The following FARP1 variants were observed in gnomAD, a reference collection of about 807,000 sequenced individuals.
FARP1 encodes the protein FERM, ARH/RhoGEF and pleckstrin domain protein 1.
In FARP1, 52 loss-of-function variants were observed where a neutral mutation model predicts 128.8. The observed-to-expected ratio is 0.40, with a 90% CI of 0.32 to 0.51. The LOEUF (loss-of-function observed/expected upper bound fraction) is 0.51. Ranked by LOEUF, FARP1 falls within the 20% of genes least tolerant of loss-of-function variation. FARP1 has a pLI of 0.45. For missense variants in FARP1, 1,333 were observed against 1,367.9 expected (o/e 0.97, Z 0.40); for synonymous variants, 580 against 551.8 (o/e 1.05, Z -0.72).
At chr13:98,189,812 A>G (rs1221452026) in intron 1 of FARP1, among the ~76,000 whole-genome samples, 2 of 152,344 alleles carry the variant, frequency 1.3e-5, no homozygotes, top group African/African-American at 2.4e-5. Context: ...TATTATCACA[A>G]TTTCAGGAGC....
chr13:98,289,991 C>T (rs1270267895), intron 2 of FARP1, among the ~76,000 whole-genome samples: 1 of 152,000 alleles, frequency 6.6e-6, no homozygotes, highest in Non-Finnish European at 1.5e-5. Flanking sequence ...CTTCTCCCCA[C>T]AACACCCCCA....
At chr13:98,300,461 A>T (rs533760741) in intron 2 of FARP1, among the ~76,000 whole-genome samples, 1 of 152,334 alleles carries the variant, frequency 6.6e-6, no homozygotes, top group East Asian at 1.9e-4. Flanking sequence ...GGTACCCAGG[A>T]TGTCCGCGTA....
Position 98,262,182 on chromosome 13 carries a change from ATT to A in FARP1, c.171+48786_171+48787del, listed in dbSNP as rs34133279. On this transcript the variant is annotated intron_variant, in intron 2 of 26. Transcript: ENST00000319562. ...AGGTGTGTGCTACCGCGCCCTGCTA[ATT>A]TTTTTTTTTTTTTTTTAAAGAAACA... Among the ~76,000 whole-genome samples the A allele has an allele frequency of 4.2e-3, 586 of 140,718 alleles. 4 individuals are homozygous for A. The highest frequency in any genetic ancestry group is 9.1e-3 in the African/African-American group (347 of 38,050). The allele number at this position is 140,718 out of a possible 152,430, so 92.3% of individuals were successfully genotyped here. A position where few individuals can be genotyped will look rare whatever the true frequency, so the allele number is the denominator to read the frequency against.
At chr13:98,421,065 G>A (rs1419104472) in intron 16 of FARP1, among the ~76,000 whole-genome samples, 1 of 152,180 alleles carries the variant, frequency 6.6e-6, no homozygotes, top group African/African-American at 2.4e-5. Flanking sequence ...GACTTTAGAG[G>A]CCTCCAGCCT....
chr13:98,418,246 A>T (rs568933708), intron 16 of FARP1, among the ~76,000 whole-genome samples: 134 of 149,526 alleles, frequency 9.0e-4, no homozygotes, highest in African/African-American at 3.3e-3. Context: ...GTAAAATTAC[A>T]TGTTTATTTG....
intron 2 of FARP1, among the ~76,000 whole-genome samples, chr13:98,310,027 T>C (rs181969919): frequency 0.019 from 2,847 of 151,686 alleles, 39 homozygotes; most frequent in Middle Eastern, 0.034. Flanking sequence ...GGGACCATCC[T>C]CTCTCTCTCT....
At chr13:98,436,799 C>T (rs756817402) in intron 19 of FARP1, among the ~76,000 whole-genome samples, 9 of 152,220 alleles carry the variant, frequency 5.9e-5, no homozygotes, top group Non-Finnish European at 8.8e-5. Flanking sequence ...TTTACCCATC[C>T]ACACGGAACC....
At chr13:98,274,131 C>A (rs1033105746) in intron 2 of FARP1, among the ~76,000 whole-genome samples, 1 of 152,160 alleles carries the variant, frequency 6.6e-6, no homozygotes, top group African/African-American at 2.4e-5. Flanking sequence ...CTTTTCTCGT[C>A]ATACTTTGTC....
intron 21 of FARP1, among the ~76,000 whole-genome samples, chr13:98,439,666 A>G (rs1392482029): frequency 6.6e-6 from 1 of 152,172 alleles, no homozygotes; most frequent in Non-Finnish European, 1.5e-5. Flanking sequence ...GCAGGTGTAG[A>G]GGGCGCCTGG....
At chr13:98,153,897 A>G (rs1361632088) in intron 1 of FARP1, among the ~76,000 whole-genome samples, 1 of 152,022 alleles carries the variant, frequency 6.6e-6, no homozygotes, top group African/African-American at 2.4e-5. Context: ...TTGTGTAACC[A>G]ACTCCACAGT....
chr13:98,391,773 C>T lies in FARP1; in HGVS notation c.1088+893C>T, dbSNP rs547612532. Among the ~76,000 whole-genome samples the T allele has an allele frequency of 3.5e-4, 54 of 152,156 alleles. 1 individual carries two copies. The highest frequency in any genetic ancestry group is 8.8e-5 in the Non-Finnish European group (6 of 68,042). ...TAGGTTAAATAACTAGTCCAGGTCT[C>T]ATAGCTGCTAAGCAGTTTCTGGCCA... On this transcript the variant is annotated intron_variant, in intron 11 of 26. Transcript: ENST00000319562.
intron 2 of FARP1, among the ~76,000 whole-genome samples, chr13:98,281,723 G>A (rs1029232343): frequency 2.6e-5 from 4 of 152,188 alleles, no homozygotes; most frequent in African/African-American, 9.7e-5. Flanking sequence ...GACAATACAG[G>A]GGAGTGATAT....
At chr13:98,147,462 AG>A (rs1875654816) in intron 1 of FARP1, among the ~76,000 whole-genome samples, 1 of 152,200 alleles carries the variant, frequency 6.6e-6, no homozygotes, top group Non-Finnish European at 1.5e-5. Flanking sequence ...AGGCCACACT[AG>A]ACTGCCTTTA....
intron 2 of FARP1, among the ~76,000 whole-genome samples, chr13:98,292,488 A>G (rs937280213): frequency 1.3e-5 from 2 of 152,246 alleles, no homozygotes; most frequent in African/African-American, 2.4e-5. Context: ...CAGGCAGTGC[A>G]ACATTCAATA....
intron 2 of FARP1, among the ~76,000 whole-genome samples, chr13:98,223,888 ACT>A (rs1881581898): frequency 6.6e-6 from 1 of 152,084 alleles, no homozygotes; most frequent in Admixed American, 6.5e-5. Context: ...TTTTCAAAGG[ACT>A]CTGTTCAAAA....
intron 16 of FARP1, among the ~76,000 whole-genome samples, chr13:98,418,304 T>G (rs1347876189): frequency 6.6e-6 from 1 of 152,070 alleles, no homozygotes; most frequent in Admixed American, 6.6e-5. Context: ...AGATGGAGTT[T>G]CCCTCTGTCA....
chr13:98,312,522 A>G (rs1166051783), intron 2 of FARP1, among the ~76,000 whole-genome samples: 3 of 152,138 alleles, frequency 2.0e-5, no homozygotes, highest in African/African-American at 7.2e-5. Context: ...CAAGATAGAG[A>G]AAAGATGGAT....
At chr13:98,297,166 T>A (rs553182890) in intron 2 of FARP1, among the ~76,000 whole-genome samples, 1 of 152,244 alleles carries the variant, frequency 6.6e-6, no homozygotes, top group African/African-American at 2.4e-5. Flanking sequence ...CATAGGAAGA[T>A]AGGCTGTAGG....
intron 18 of FARP1, 134 bp downstream of exon 18, chr13:98,431,414 G>C (rs1044056614): frequency 1.7e-6 from 1 of 588,196 alleles, no homozygotes; most frequent in East Asian, 3.0e-5. Context: ...TTTTCATCAG[G>C]GTGGGCGCCG....
Sources: allele counts gnomAD v4.1 joint callset (sites outside exome capture counted in the v4.1 genomes callset), GRCh38; gene constraint gnomAD v4.1.1; transcripts MANE v1.5; gene names NCBI Gene and HGNC (gene_info 2026-07-23, HGNC 2026-07-21).